Variants in GNA14 observed in about 807,000 individuals in gnomAD.
GNA14 encodes guanine nucleotide-binding protein subunit alpha-14.
GNA14 carries 50 observed loss-of-function variants against 42.0 expected under a neutral mutation model. The observed-to-expected ratio is 1.19, with a 90% CI of 0.95 to 1.51. GNA14 has a LOEUF of 1.51. Among genes scored for constraint, GNA14 ranks in the 40% most tolerant of loss-of-function variants. GNA14 has a pLI of 0.00. For missense variants in GNA14, 473 were observed against 446.2 expected (o/e 1.06, Z -0.54); for synonymous variants, 173 against 163.1 (o/e 1.06, Z -0.46).
intron 1 of GNA14, among the ~76,000 whole-genome samples, chr9:77,587,226 G>A (rs1052798976): frequency 6.6e-6 from 1 of 152,122 alleles, no homozygotes; most frequent in African/African-American, 2.4e-5. Flanking sequence ...CAGCTGTTAT[G>A]GAAAATAGTT....
At chr9:77,628,043 G>C (rs1237476176) in intron 1 of GNA14, among the ~76,000 whole-genome samples, 1 of 152,280 alleles carries the variant, frequency 6.6e-6, no homozygotes, top group African/African-American at 2.4e-5. Context: ...CTTCAGCAAA[G>C]TCTCAGGATA....
At chr9:77,510,089 G>A (rs1301759606) in intron 2 of GNA14, among the ~76,000 whole-genome samples, 1 of 152,130 alleles carries the variant, frequency 6.6e-6, no homozygotes, top group Non-Finnish European at 1.5e-5. Flanking sequence ...ATCCTCAGAA[G>A]AAACCATATA....
chr9:77,608,492 TA>T (rs1263408208), intron 1 of GNA14, among the ~76,000 whole-genome samples: 1 of 152,158 alleles, frequency 6.6e-6, no homozygotes, highest in Non-Finnish European at 1.5e-5. Flanking sequence ...TGTGATTCTC[TA>T]AGGGAGAATG....
rs1318184649 is a variant in GNA14 at position 77,428,918 on chromosome 9, A to C, written c.712T>G (p.Cys238Gly). ...LSEYDQVLAE[C>G]DNENRMEESK... ...CCCGCCCAGCATACCTCGTTGTCAC[A>C]CTCAGCCAGGACCTGGTCATATTCA... Residue 238 changes from cysteine to glycine, a missense_variant, in exon 5 of 7, where the codon TGT becomes GGT. By Grantham distance (159) the Cys-to-Gly change is radical (BLOSUM62 -3). Coordinates refer to ENST00000341700, the MANE Select transcript of GNA14 (RefSeq NM_004297.4). 4 of 1,613,578 alleles carry C rather than the reference A, an allele frequency of 2.5e-6. No individual in the cohort carries two copies. Among genetic ancestry groups the C allele is most frequent in the Non-Finnish European group, 3.4e-6 (4 of 1,179,756 alleles).
rs1483926188 is a variant in GNA14 at position 77,432,489 on chromosome 9, T to G, written c.465-1040A>C. On this transcript the variant is annotated intron_variant, in intron 3 of 6. Coordinates refer to ENST00000341700, the MANE Select transcript of GNA14 (RefSeq NM_004297.4). ...TTCCCTGAGAGCAGAGAGCACTGGT[T>G]GTATAATACCTGCAGCCCTTACCAC... 2.6e-5 allele frequency among the ~76,000 whole-genome samples: 4 copies of G among 152,302 alleles called. No individual in the cohort carries two copies. In the East Asian group the frequency reaches 7.7e-4, roughly 29 times the overall value.
intron 1 of GNA14, among the ~76,000 whole-genome samples, chr9:77,542,903 G>C (rs529750584): frequency 2.0e-5 from 3 of 152,354 alleles, no homozygotes; most frequent in Non-Finnish European, 4.4e-5. Flanking sequence ...CTGGTAGTGA[G>C]TTCAGGTGAT....
At chr9:77,441,799 C>T (rs1006885376) in intron 2 of GNA14, among the ~76,000 whole-genome samples, 1 of 152,152 alleles carries the variant, frequency 6.6e-6, no homozygotes, top group Admixed American at 6.5e-5. Context: ...CAGAATTATA[C>T]TGTGTTTAAT....
intron 2 of GNA14, among the ~76,000 whole-genome samples, chr9:77,470,015 C>A (rs1373750203): frequency 3.9e-5 from 6 of 152,184 alleles, no homozygotes; most frequent in Non-Finnish European, 8.8e-5. Context: ...TGCTTGGACT[C>A]ATAGTGACAT....
chr9:77,641,827 A>G (rs1035707490), intron 1 of GNA14, among the ~76,000 whole-genome samples: 1 of 152,174 alleles, frequency 6.6e-6, no homozygotes, highest in African/African-American at 2.4e-5. Flanking sequence ...CAGACCTTTC[A>G]TAAGTGTACT....
chr9:77,519,704 T>TG (rs1219677238), intron 2 of GNA14, among the ~76,000 whole-genome samples: 2 of 152,078 alleles, frequency 1.3e-5, no homozygotes, highest in East Asian at 3.9e-4. Context: ...GTACACTACT[T>TG]GGTGATGGTT....
intron 2 of GNA14, among the ~76,000 whole-genome samples, chr9:77,510,063 T>C (rs1047542524): frequency 3.9e-5 from 6 of 152,234 alleles, no homozygotes; most frequent in African/African-American, 1.4e-4. Context: ...AAATAATTTT[T>C]AGAGCATTTT....
At chr9:77,464,921 CCAGACA>C (rs1836195000) in intron 2 of GNA14, among the ~76,000 whole-genome samples, 1 of 151,948 alleles carries the variant, frequency 6.6e-6, no homozygotes, top group African/African-American at 2.4e-5. Flanking sequence ...CCGTGTGAAG[CCAGACA>C]CAGACACAGA....
At chr9:77,523,695 G>A (rs370490356) in intron 2 of GNA14, among the ~76,000 whole-genome samples, 15 of 152,270 alleles carry the variant, frequency 9.9e-5, no homozygotes, top group African/African-American at 3.6e-4. Flanking sequence ...GTAGTTTGGC[G>A]CTCCTCTAAG....
At chr9:77,519,713 T>G (rs1837320550) in intron 2 of GNA14, among the ~76,000 whole-genome samples, 1 of 152,038 alleles carries the variant, frequency 6.6e-6, no homozygotes, top group Non-Finnish European at 1.5e-5. Flanking sequence ...TTGGTGATGG[T>G]TACACTGAAA....
At chr9:77,569,165 T>A (rs978710376) in intron 1 of GNA14, among the ~76,000 whole-genome samples, 8 of 151,752 alleles carry the variant, frequency 5.3e-5, no homozygotes, top group Admixed American at 2.6e-4. Context: ...TTTTTTTTTT[T>A]AAATGGGGTT....
chr9:77,643,976 T>C (rs1824310382), intron 1 of GNA14, among the ~76,000 whole-genome samples: 1 of 152,218 alleles, frequency 6.6e-6, no homozygotes, highest in African/African-American at 2.4e-5. Context: ...CCAGGCAGAC[T>C]GGGCTAAGAA....
intron 1 of GNA14, among the ~76,000 whole-genome samples, chr9:77,544,022 TTC>T (rs776306946): frequency 1.3e-5 from 2 of 152,324 alleles, no homozygotes; most frequent in African/African-American, 2.4e-5. Flanking sequence ...ATACAAATAT[TTC>T]TCTTACTGTT....
intron 2 of GNA14, among the ~76,000 whole-genome samples, chr9:77,491,710 C>G (rs1444425297): frequency 1.3e-5 from 2 of 152,184 alleles, no homozygotes; most frequent in Non-Finnish European, 2.9e-5. Flanking sequence ...CAATACAATA[C>G]TGGTAGCGTA....
chr9:77,487,667 C>T (rs1258699888), intron 2 of GNA14, among the ~76,000 whole-genome samples: 1 of 152,194 alleles, frequency 6.6e-6, no homozygotes, highest in Non-Finnish European at 1.5e-5. Context: ...GTAACACACA[C>T]ATACACACAC....
Sources: gnomAD v4.1 joint callset for allele counts (sites outside exome capture counted in the v4.1 genomes callset) on GRCh38, gnomAD v4.1.1 for gene constraint, MANE v1.5 for transcripts, NCBI Gene and HGNC (gene_info 2026-07-23, HGNC 2026-07-21) for gene names.